The following STK38L variants were observed in gnomAD, a reference collection of about 807,000 sequenced individuals.
STK38L encodes the protein serine/threonine kinase 38 like, also known as serine/threonine-protein kinase 38-like.
A neutral mutation model predicts 59.7 loss-of-function variants in STK38L; 28 were observed. That is an observed-to-expected ratio of 0.47 (90% CI 0.35 to 0.64). The LOEUF is 0.64. STK38L is among the 30% of genes least tolerant of loss of function. The pLI, the probability that STK38L is intolerant of heterozygous loss-of-function variation, is 0.01. For missense variants in STK38L, 314 were observed against 555.8 expected (o/e 0.56, Z 4.37); for synonymous variants, 162 against 176.8 (o/e 0.92, Z 0.66).
At position 27,314,600 on chromosome 12, in the gene STK38L, A is replaced by C; in HGVS notation, c.614A>C (p.His205Pro). 1 of 1,609,858 alleles carries C rather than the reference A, an allele frequency of 6.2e-7. No individual in the cohort carries two copies. ...SETVLAIDAI[H>P]QLGFIHRDIK... ...ACTGTTCTGGCAATAGATGCGATCC[A>C]CCAGTTGGGTTTCATCCATCGGGAT... The change falls in exon 7 of 14, where the codon CAC (histidine) becomes CCC (proline). Residue 205 changes from histidine to proline, a missense_variant. Around this residue, in one of 3 missense-constraint regions of STK38L, gnomAD observed 192 missense variants for 316.9 expected, o/e 0.61. Transcript: ENST00000389032.
rs1030088368 is a variant in STK38L, at chr12:27,325,850, A to C, written c.*3395A>C. ...TCAGCAATTGTCTAGAAAAGTAATC[A>C]TGAGGCTACTGAGTTTGGTGTTCAG... On this transcript the variant is annotated 3_prime_UTR_variant, in exon 14 of 14. Transcript: ENST00000389032. 1 of 152,202 alleles carries C rather than the reference A, an allele frequency of 6.6e-6. No individual in the cohort carries two copies. The allele number at this position is 152,202 out of a possible 1,614,324, so 9.4% of individuals were successfully genotyped here.
intron 1 of STK38L, among the ~76,000 whole-genome samples, chr12:27,267,369 C>T (rs1344254285): frequency 4.6e-5 from 7 of 152,096 alleles, no homozygotes; most frequent in African/African-American, 1.4e-4. Flanking sequence ...ATAGTTGAAG[C>T]CAGGAGTTGG....
intron 1 of STK38L, among the ~76,000 whole-genome samples, chr12:27,255,162 A>G (rs1256939593): frequency 2.6e-5 from 4 of 152,214 alleles, no homozygotes; most frequent in East Asian, 1.9e-4. Context: ...GTATAGCCCA[A>G]TTCAGGCACA....
At chr12:27,319,456 G>A (rs1944671619) in intron 12 of STK38L, 33 bp downstream of exon 12, 2 of 1,493,210 alleles carry the variant, frequency 1.3e-6, no homozygotes, top group Non-Finnish European at 1.8e-6. Context: ...GGAAAGGTCT[G>A]AGTAAAAACA....
intron 6 of STK38L, 40 bp downstream of exon 6, chr12:27,312,712 C>T: frequency 6.2e-7 from 1 of 1,600,972 alleles, no homozygotes; most frequent in Non-Finnish European, 8.5e-7. Context: ...CTGATACAAG[C>T]ACATCTTTAT....
chr12:27,312,768 C>A, intron 6 of STK38L, 96 bp downstream of exon 6: 1 of 1,444,236 alleles, frequency 6.9e-7, no homozygotes, highest in Non-Finnish European at 9.4e-7. Flanking sequence ...ATATTCTTTG[C>A]TCTGAGGCTT....
intron 1 of STK38L, among the ~76,000 whole-genome samples, chr12:27,275,890 G>A (rs1405347644): frequency 1.3e-5 from 2 of 152,226 alleles, no homozygotes; most frequent in Non-Finnish European, 2.9e-5. Context: ...AGGGAACATA[G>A]ATATCTTATC....
chr12:27,268,939 A>G (rs1334183594), intron 1 of STK38L, among the ~76,000 whole-genome samples: 1 of 152,134 alleles, frequency 6.6e-6, no homozygotes, highest in Non-Finnish European at 1.5e-5. Flanking sequence ...GTCTGTTCAT[A>G]TCCTTCGCCC....
At chr12:27,254,436 C>G (rs539078549) in intron 1 of STK38L, among the ~76,000 whole-genome samples, 26 of 152,260 alleles carry the variant, frequency 1.7e-4, no homozygotes, top group African/African-American at 5.5e-4. Flanking sequence ...ATTCAGAGAC[C>G]TGTATGTGCA....
chr12:27,304,827 G>C (rs1189777872), intron 3 of STK38L, among the ~76,000 whole-genome samples: 5 of 152,022 alleles, frequency 3.3e-5, no homozygotes, highest in African/African-American at 1.2e-4. Flanking sequence ...TGGTTTCATA[G>C]TGGCATCTAG....
At chr12:27,269,794 C>G (rs1383609645) in intron 1 of STK38L, among the ~76,000 whole-genome samples, 1 of 152,136 alleles carries the variant, frequency 6.6e-6, no homozygotes, top group Admixed American at 6.5e-5. Flanking sequence ...AGGCACCCAC[C>G]ACCATGCCCG....
Position 27,308,942 on chromosome 12 carries a change from T to TATATATAAATATATATTA in STK38L, c.310-165_310-164insAATATATATTAATATATA. On this transcript the variant is annotated intron_variant, in intron 4 of 13. Coordinates refer to ENST00000389032, the MANE Select transcript of STK38L (RefSeq NM_015000.4). This position sits in a 1 kb window ranked among gnomAD's most constrained non-coding sequence, Gnocchi z 4.5. Reference sequence around the variant, plus strand: ...TTAATATATATAAAATATATATAAATATATATATAACATATATAAAAATAT... The same window carrying TATATATAAATATATATTA: ...TTAATATATATAAAATATATATAAATATATATAAATATATATTAATATATATAACATATATAAAAATAT... Among the ~76,000 whole-genome samples, 1 of 143,902 alleles carries TATATATAAATATATATTA rather than the reference T, an allele frequency of 6.9e-6. No individual in the cohort carries two copies. The highest frequency in any genetic ancestry group is 2.0e-4 in the East Asian group (1 of 5,092). 94.4% of individuals were successfully genotyped at this position (143,902 alleles called of 152,430 possible).
chr12:27,274,819 A>G (rs1238301551), intron 1 of STK38L, among the ~76,000 whole-genome samples: 1 of 152,148 alleles, frequency 6.6e-6, no homozygotes, highest in African/African-American at 2.4e-5. Context: ...ATAACTCACT[A>G]TGTTTTCTTT....
intron 1 of STK38L, among the ~76,000 whole-genome samples, chr12:27,261,478 T>G (rs1943203249): frequency 6.6e-6 from 1 of 152,228 alleles, no homozygotes; most frequent in Admixed American, 6.5e-5. Flanking sequence ...TGAGACCACT[T>G]TGTTGCTAAC....
chr12:27,274,671 A>C (rs1039881943), intron 1 of STK38L, among the ~76,000 whole-genome samples: 5 of 152,248 alleles, frequency 3.3e-5, no homozygotes, highest in African/African-American at 1.2e-4. Context: ...CATGATGAAT[A>C]CATACTATTG....
intron 1 of STK38L, among the ~76,000 whole-genome samples, chr12:27,286,801 TG>T (rs1943782799): frequency 6.6e-6 from 1 of 152,148 alleles, no homozygotes; most frequent in African/African-American, 2.4e-5. Flanking sequence ...ATGCATAGGG[TG>T]GACAGAAAGG....
intron 1 of STK38L, among the ~76,000 whole-genome samples, chr12:27,282,680 T>C (rs1943686654): frequency 6.6e-6 from 1 of 152,198 alleles, no homozygotes; most frequent in Admixed American, 6.5e-5. Flanking sequence ...ATGCAAATGT[T>C]CTTTGACTCA....
intron 1 of STK38L, among the ~76,000 whole-genome samples, chr12:27,271,492 A>G (rs1943421678): frequency 6.6e-6 from 1 of 152,190 alleles, no homozygotes; most frequent in Non-Finnish European, 1.5e-5. Context: ...GAAAATTCAT[A>G]GCTTGTAATT....
chr12:27,297,887 T>A, intron 2 of STK38L, 33 bp downstream of exon 2: 1 of 1,610,776 alleles, frequency 6.2e-7, no homozygotes, highest in Non-Finnish European at 8.5e-7. Context: ...CTTTTTTTAG[T>A]TAAATAAGCT....
Sources: gnomAD v4.1 joint callset for allele counts (sites outside exome capture counted in the v4.1 genomes callset) on GRCh38, gnomAD v4.1.1 for gene constraint, gnomAD v4.1.1 regional missense constraint, Gnocchi (gnomAD v3.1) non-coding constraint, MANE v1.5 for transcripts, NCBI Gene and HGNC (gene_info 2026-07-23, HGNC 2026-07-21) for gene names.